The following PRKCA variants were observed in gnomAD, a reference collection of about 807,000 sequenced individuals.
The protein encoded by PRKCA is protein kinase C alpha, also known as protein kinase C alpha type.
A neutral mutation model predicts 87.0 loss-of-function variants in PRKCA; 27 were observed. That is an observed-to-expected ratio of 0.31 (90% CI 0.23 to 0.43). The LOEUF (loss-of-function observed/expected upper bound fraction) is 0.43. PRKCA is among the 20% of genes least tolerant of loss of function. PRKCA has a pLI of 1.00. For missense variants in PRKCA, 518 were observed against 852.3 expected (o/e 0.61, Z 4.88); for synonymous variants, 329 against 311.1 (o/e 1.06, Z -0.61).
chr17:66,574,918 G>A (rs138562553), intron 3 of PRKCA, among the ~76,000 whole-genome samples: 1 of 152,208 alleles, frequency 6.6e-6, no homozygotes, highest in African/African-American at 2.4e-5. Flanking sequence ...TATGTGAATG[G>A]GGTCTCTCCC....
intron 7 of PRKCA, among the ~76,000 whole-genome samples, 191 bp from the exon 8 acceptor site, chr17:66,688,760 G>A (rs1157227064): frequency 1.3e-5 from 2 of 152,016 alleles, no homozygotes; most frequent in African/African-American, 4.8e-5. Flanking sequence ...CTTTGATTCC[G>A]CCACCGTCCC....
intron 3 of PRKCA, among the ~76,000 whole-genome samples, chr17:66,596,406 C>A (rs929909480): frequency 6.6e-6 from 1 of 151,998 alleles, no homozygotes; most frequent in South Asian, 2.1e-4. Context: ...CTGTTCAGAG[C>A]CAGGCTCTGC....
At chr17:66,643,522 C>T (rs1205115947) in intron 4 of PRKCA, among the ~76,000 whole-genome samples, 1 of 152,190 alleles carries the variant, frequency 6.6e-6, no homozygotes, top group Non-Finnish European at 1.5e-5. Context: ...TAAAATAACA[C>T]TCATATGGTT....
Position 66,732,699 on chromosome 17 carries a change from T to C in PRKCA, c.930T>C (p.Leu310=), listed in dbSNP as rs775696978. 1.9e-6 allele frequency: 3 copies of C among 1,614,090 alleles called. No individual in the cohort carries two copies. The highest frequency in any genetic ancestry group is 2.2e-5 in the East Asian group (1 of 44,888). Residue 310 remains leucine, a synonymous_variant, in exon 9 of 17, where the codon CTT becomes CTC. Coordinates refer to ENST00000413366, the MANE Select transcript of PRKCA (RefSeq NM_002737.3). ...TGCTTGTTATTTAGAAAGCCAAACT[T>C]GGCCCTGCTGGCAACAAAGTCATCA... The part of the protein sequence containing the change: ...ELRQKFEKAK[L]GPAGNKVISP...
At chr17:66,670,517 A>C (rs568157991) in intron 5 of PRKCA, among the ~76,000 whole-genome samples, 1 of 152,152 alleles carries the variant, frequency 6.6e-6, no homozygotes, top group Non-Finnish European at 1.5e-5. Context: ...TAGGATAAAA[A>C]ATGTTTTGGG....
intron 2 of PRKCA, among the ~76,000 whole-genome samples, chr17:66,307,914 A>G (rs1002504064): frequency 1.3e-4 from 20 of 152,150 alleles, no homozygotes; most frequent in African/African-American, 4.6e-4. Flanking sequence ...ACTCACTCAC[A>G]CATACTTAGT....
At chr17:66,425,349 G>A (rs1912743159) in intron 2 of PRKCA, among the ~76,000 whole-genome samples, 2 of 151,910 alleles carry the variant, frequency 1.3e-5, no homozygotes, top group South Asian at 2.1e-4. Flanking sequence ...GCACTGCTCA[G>A]GCTTACTGTC....
At chr17:66,314,003 A>G (rs1459698324) in intron 2 of PRKCA, among the ~76,000 whole-genome samples, 2 of 152,198 alleles carry the variant, frequency 1.3e-5, no homozygotes, top group East Asian at 3.9e-4. Context: ...TTCATATTTT[A>G]TATGCTTTCA....
At chr17:66,561,321 C>T (rs1306945445) in intron 3 of PRKCA, among the ~76,000 whole-genome samples, 2 of 152,118 alleles carry the variant, frequency 1.3e-5, no homozygotes, top group African/African-American at 2.4e-5. Flanking sequence ...CTTCCTTGTC[C>T]GTGTGTGAAA....
chr17:66,606,101 T>C (rs1016373591), intron 3 of PRKCA, among the ~76,000 whole-genome samples: 4 of 152,112 alleles, frequency 2.6e-5, no homozygotes, highest in African/African-American at 9.7e-5. Context: ...TAAAAAATAA[T>C]TAATGAGGCC....
chr17:66,442,298 C>G (rs887258270), intron 2 of PRKCA, among the ~76,000 whole-genome samples: 5 of 151,528 alleles, frequency 3.3e-5, no homozygotes, highest in African/African-American at 1.2e-4. Flanking sequence ...CTCAAGTGAT[C>G]CACCCACCCA....
At chr17:66,434,551 A>G (rs1456796153) in intron 2 of PRKCA, among the ~76,000 whole-genome samples, 2 of 152,044 alleles carry the variant, frequency 1.3e-5, no homozygotes, top group African/African-American at 4.8e-5. Flanking sequence ...AAAGCTCCCC[A>G]TTTCTGTAGT....
At chr17:66,629,488 G>A (rs914931300) in intron 3 of PRKCA, among the ~76,000 whole-genome samples, 1 of 152,158 alleles carries the variant, frequency 6.6e-6, no homozygotes, top group Non-Finnish European at 1.5e-5. Context: ...CTGAATAAAT[G>A]TGTTTTTGTT....
rs1598945398 is a variant in PRKCA at position 66,788,888 on chromosome 17, A to G, written c.1763A>G (p.Glu588Gly). 2 of 1,613,672 alleles carry G rather than the reference A, an allele frequency of 1.2e-6. No individual in the cohort carries two copies. Among genetic ancestry groups the G allele is most frequent in the South Asian group, 1.1e-5 (1 of 91,026 alleles). Residue 588 changes from glutamate to glycine, a missense_variant, in exon 16 of 17, where the codon GAG becomes GGG. By Grantham distance (98) the Glu-to-Gly change is moderately conservative. This residue lies in a region of PRKCA where 159 missense variants were observed against 232.4 expected (regional missense o/e 0.68). Transcript: ENST00000413366. Reference protein sequence around the residue: ...AKRLGCGPEGERDVREHAFFR... With the variant: ...AKRLGCGPEGGRDVREHAFFR... ...CGGCTGGGCTGTGGGCCTGAGGGGG[A>G]GAGGGACGTGAGAGAGCATGCCTTC... is the stretch of plus-strand genomic sequence containing the variant.
At chr17:66,681,013 G>T (rs2144002382) in intron 5 of PRKCA, among the ~76,000 whole-genome samples, 1 of 152,342 alleles carries the variant, frequency 6.6e-6, no homozygotes, top group South Asian at 2.1e-4. Context: ...TGGATCACTT[G>T]AGGTCGGGGG....
At chr17:66,494,590 A>C (rs1171764532) in intron 2 of PRKCA, among the ~76,000 whole-genome samples, 1 of 152,182 alleles carries the variant, frequency 6.6e-6, no homozygotes, top group Non-Finnish European at 1.5e-5. Flanking sequence ...AAATTTCAAC[A>C]TGGGTTTCAC....
chr17:66,355,853 C>T (rs1361477425), intron 2 of PRKCA, among the ~76,000 whole-genome samples: 1 of 152,038 alleles, frequency 6.6e-6, no homozygotes, highest in Admixed American at 6.6e-5. Flanking sequence ...GAAAATATAC[C>T]TTCCCAATTA....
chr17:66,473,763 C>T (rs58296998), intron 2 of PRKCA, among the ~76,000 whole-genome samples: 22,185 of 151,980 alleles, frequency 0.15, 1,941 homozygotes, highest in East Asian at 0.29. Flanking sequence ...GGTGAAACCC[C>T]GTCTCTACTA....
At chr17:66,643,772 C>G (rs1971375235) in intron 4 of PRKCA, among the ~76,000 whole-genome samples, 1 of 152,184 alleles carries the variant, frequency 6.6e-6, no homozygotes, top group Non-Finnish European at 1.5e-5. Flanking sequence ...AGAGAAGAAG[C>G]CTCTTCCTGT....
Sources: allele counts gnomAD v4.1 joint callset (sites outside exome capture counted in the v4.1 genomes callset), GRCh38; gene constraint gnomAD v4.1.1; regional missense constraint gnomAD v4.1.1; transcripts MANE v1.5; gene names NCBI Gene and HGNC (gene_info 2026-07-23, HGNC 2026-07-21).